The following CSMD1 variants were observed in gnomAD, a reference collection of about 807,000 sequenced individuals.
CSMD1 encodes CUB and Sushi multiple domains 1, also known as CUB and sushi domain-containing protein 1.
A neutral mutation model predicts 417.5 loss-of-function variants in CSMD1; 213 were observed. The ratio of observed to expected loss-of-function variants is 0.51; its 90% confidence interval spans 0.46 to 0.57. The LOEUF is 0.57. CSMD1 is among the 20% of genes least tolerant of loss of function. CSMD1 has a pLI of 0.00. For synonymous variants in CSMD1, 2,862 were observed against 1,736.8 expected (o/e 1.65, Z -16.11); for missense variants, 6,923 against 4,529.7 (o/e 1.53, Z -15.17).
In CSMD1 at chr8:3,614,127, T is replaced by A. The variant is rs575469379; in HGVS notation, c.1097+2583A>T. On this transcript the variant is annotated intron_variant, in intron 8 of 69. Coordinates refer to ENST00000635120, the MANE Select transcript of CSMD1 (RefSeq NM_033225.6). ...ATACAAATAACATTTTACATGTGTATTTAAGAGAAAATTTAATCTTTCAAA... is the reference window on the plus strand; with the variant it reads ...ATACAAATAACATTTTACATGTGTAATTAAGAGAAAATTTAATCTTTCAAA... Among the ~76,000 whole-genome samples, 9 of 152,270 alleles carry A rather than the reference T, an allele frequency of 5.9e-5. No homozygotes were observed. The South Asian group carries it at 1.7e-3, about 28-fold the overall frequency.
intron 3 of CSMD1, among the ~76,000 whole-genome samples, chr8:4,131,492 T>G (rs1474492260): frequency 6.6e-6 from 1 of 152,184 alleles, no homozygotes; most frequent in Non-Finnish European, 1.5e-5. Context: ...CCAAATATTT[T>G]CCCCTTGGAT....
intron 5 of CSMD1, among the ~76,000 whole-genome samples, chr8:3,967,945 A>G (rs1360483082): frequency 6.8e-6 from 1 of 147,994 alleles, no homozygotes; most frequent in Non-Finnish European, 1.5e-5. Context: ...AGGTGTGCGG[A>G]TCACGAGGTC....
chr8:4,740,656 C>T (rs532682872), intron 1 of CSMD1, among the ~76,000 whole-genome samples: 1 of 152,292 alleles, frequency 6.6e-6, no homozygotes, highest in South Asian at 2.1e-4. Context: ...AGCTCTCTGG[C>T]TTTTCACTAA....
chr8:4,686,068 A>T (rs1423380994), intron 1 of CSMD1, among the ~76,000 whole-genome samples: 1 of 152,168 alleles, frequency 6.6e-6, no homozygotes, highest in Non-Finnish European at 1.5e-5. Flanking sequence ...CTTGTCTTGG[A>T]TGACTCTGGT....
intron 1 of CSMD1, among the ~76,000 whole-genome samples, chr8:4,820,026 A>C (rs964138798): frequency 6.6e-6 from 1 of 152,108 alleles, no homozygotes; most frequent in African/African-American, 2.4e-5. Context: ...TAGGTCTCCA[A>C]TTCCATGCTT....
intron 2 of CSMD1, among the ~76,000 whole-genome samples, chr8:4,594,669 G>A (rs1419511952): frequency 4.6e-5 from 7 of 152,232 alleles, no homozygotes; most frequent in South Asian, 4.1e-4. Context: ...TTACTCTGCT[G>A]CCCATGTGTT....
At position 4,592,027 on chromosome 8, in the gene CSMD1, G is replaced by C. The variant is rs546194106; in HGVS notation, c.302+45315C>G. On this transcript the variant is annotated intron_variant, in intron 2 of 69. Transcript: ENST00000635120. ...ATGCAATGCGGCCAGGATGGGACCAGTGAATTTCTTATGGACCATTGCATC... is the reference window on the plus strand; with the variant it reads ...ATGCAATGCGGCCAGGATGGGACCACTGAATTTCTTATGGACCATTGCATC... Among the ~76,000 whole-genome samples the C allele has an allele frequency of 5.9e-5, 9 of 152,258 alleles. No homozygotes were observed. In the East Asian group the frequency reaches 1.7e-3, roughly 29 times the overall value.
chr8:4,520,387 A>G (rs1237369716), intron 2 of CSMD1, among the ~76,000 whole-genome samples: 1 of 152,206 alleles, frequency 6.6e-6, no homozygotes, highest in Non-Finnish European at 1.5e-5. Flanking sequence ...TTTTCTTCAT[A>G]TAATGTTGGC....
intron 41 of CSMD1, among the ~76,000 whole-genome samples, chr8:3,126,335 C>G (rs1336996828): frequency 6.6e-6 from 1 of 152,096 alleles, no homozygotes; most frequent in Admixed American, 6.5e-5. Flanking sequence ...AAGGCAAAGC[C>G]CTCGAGCAAC....
chr8:3,240,093 C>A (rs1033231054), intron 26 of CSMD1, among the ~76,000 whole-genome samples: 19 of 152,104 alleles, frequency 1.2e-4, no homozygotes, highest in Admixed American at 2.6e-4. Flanking sequence ...TGGCGGCTGC[C>A]ACAAGAAGAC....
intron 18 of CSMD1, among the ~76,000 whole-genome samples, chr8:3,373,027 C>T (rs868137696): frequency 4.6e-5 from 7 of 152,270 alleles, no homozygotes; most frequent in South Asian, 2.1e-4. Flanking sequence ...TTTATGAAGA[C>T]GATCACCATA....
intron 30 of CSMD1, among the ~76,000 whole-genome samples, chr8:3,210,034 A>G: frequency 6.6e-6 from 1 of 152,180 alleles, no homozygotes; most frequent in South Asian, 2.1e-4. Context: ...ACCAGGAAAA[A>G]CATTACCCCA....
intron 22 of CSMD1, among the ~76,000 whole-genome samples, chr8:3,346,464 G>C (rs1327830372): frequency 6.6e-6 from 1 of 152,206 alleles, no homozygotes; most frequent in Non-Finnish European, 1.5e-5. Context: ...GAATGTGCTA[G>C]TTTCCTGCCT....
At chr8:3,658,464 G>GTACATATATA (rs113956125) in intron 7 of CSMD1, among the ~76,000 whole-genome samples, 1 of 144,176 alleles carries the variant, frequency 6.9e-6, no homozygotes. Flanking sequence ...TATATATATT[G>GTACATATATA]TGTATATATA....
rs1205525857 is a variant in CSMD1 at position 4,505,417 on chromosome 8, A to C, written c.303-85352T>G. ...ATAAATAAAGATATTAAATCAATAA[A>C]ACTTTGAAACAAAATATCTCGATTT... On this transcript the variant is annotated intron_variant, in intron 2 of 69. Coordinates refer to ENST00000635120, the MANE Select transcript of CSMD1 (RefSeq NM_033225.6). Among the ~76,000 whole-genome samples the C allele has an allele frequency of 3.9e-5, 6 of 152,306 alleles. No individual in the cohort carries two copies. The South Asian group carries it at 1.2e-3, about 32-fold the overall frequency.
At chr8:3,056,827 T>C (rs1232748988) in intron 49 of CSMD1, among the ~76,000 whole-genome samples, 1 of 151,938 alleles carries the variant, frequency 6.6e-6, no homozygotes, top group Non-Finnish European at 1.5e-5. Context: ...GAATTTTTTA[T>C]TAAAATTATA....
At chr8:2,941,597 C>A (rs948307869) in intron 69 of CSMD1, among the ~76,000 whole-genome samples, 1 of 152,214 alleles carries the variant, frequency 6.6e-6, no homozygotes, top group Non-Finnish European at 1.5e-5. Context: ...TTTCTTCTGG[C>A]ATCCACATTA....
At position 4,877,707 on chromosome 8, in the gene CSMD1, A is replaced by G. The variant is rs192273997; in HGVS notation, c.85+116625T>C. 1.3e-3 allele frequency among the ~76,000 whole-genome samples: 205 copies of G among 152,142 alleles called. 2 individuals are homozygous for G. The highest frequency in any genetic ancestry group is 4.9e-3 in the African/African-American group (202 of 41,468). On this transcript the variant is annotated intron_variant, in intron 1 of 69. Coordinates refer to ENST00000635120, the MANE Select transcript of CSMD1 (RefSeq NM_033225.6). Reference sequence around the variant, plus strand: ...CTATTCCATCTGGAATTATTTCCATATTATCTTTAAAGAGGAAGACAGACT... The same window carrying G: ...CTATTCCATCTGGAATTATTTCCATGTTATCTTTAAAGAGGAAGACAGACT...
At chr8:3,654,631 G>A (rs931575582) in intron 7 of CSMD1, among the ~76,000 whole-genome samples, 2 of 152,320 alleles carry the variant, frequency 1.3e-5, no homozygotes, top group South Asian at 2.1e-4. Context: ...GGCAGCCTTT[G>A]ATTTGCTAGG....
Sources: gnomAD v4.1 joint callset for allele counts (sites outside exome capture counted in the v4.1 genomes callset) on GRCh38, gnomAD v4.1.1 for gene constraint, MANE v1.5 for transcripts, NCBI Gene and HGNC (gene_info 2026-07-23, HGNC 2026-07-21) for gene names.